CADM2: variants seen among roughly 807,000 people sequenced by gnomAD.
CADM2 encodes cell adhesion molecule 2.
Under a neutral mutation model 49.8 loss-of-function variants are expected in CADM2, and 12 were observed. The observed-to-expected ratio is 0.24, with a 90% CI of 0.15 to 0.39. The LOEUF is 0.39. Among genes scored for constraint, CADM2 ranks in the 10% least tolerant of loss-of-function variants. The pLI is 1.00. For missense variants in CADM2, 378 were observed against 492.3 expected, an observed-to-expected ratio of 0.77 and a Z score of 2.20; for synonymous variants, 214 against 175.4, an observed-to-expected ratio of 1.22 and a Z score of -1.74.
Position 86,069,447 on chromosome 3 carries a change from G to T in CADM2, c.*2664G>T, listed in dbSNP as rs1739647722. 1.3e-5 allele frequency: 2 copies of T among 151,902 alleles called. No individual in the cohort carries two copies. The highest frequency in any genetic ancestry group is 2.9e-5 in the Non-Finnish European group (2 of 67,866). The allele number at this position is 151,902 out of a possible 1,614,324, so 9.4% of individuals were successfully genotyped here. A position where few individuals can be genotyped will look rare whatever the true frequency, so the allele number is the denominator to read the frequency against. ...AAATGAGACACCATGTTCTGAACTG[G>T]AGAAAACAATATCAATGAAGTCATA... is the stretch of plus-strand genomic sequence containing the variant. On this transcript the variant is annotated 3_prime_UTR_variant, in exon 10 of 10. Coordinates refer to ENST00000383699, the MANE Select transcript of CADM2 (RefSeq NM_001167675.2).
chr3:85,272,354 C>A (rs1195233134), intron 1 of CADM2, among the ~76,000 whole-genome samples: 1 of 150,964 alleles, frequency 6.6e-6, no homozygotes, highest in Non-Finnish European at 1.5e-5. Flanking sequence ...ACCACATTTT[C>A]TTGATGAAAA....
chr3:85,345,660 A>C (rs1001016596), intron 1 of CADM2, among the ~76,000 whole-genome samples: 2 of 152,200 alleles, frequency 1.3e-5, no homozygotes, highest in Non-Finnish European at 2.9e-5. Context: ...GCTGTTTGGG[A>C]TTGAAGGATA....
Position 85,540,786 on chromosome 3 carries a change from GT to G in CADM2, c.62-185734del, listed in dbSNP as rs199787604. Among the ~76,000 whole-genome samples, 1,352 of 152,182 alleles carry G rather than the reference GT, an allele frequency of 8.9e-3. 19 individuals are homozygous for G. Among genetic ancestry groups the G allele is most frequent in the African/African-American group, 0.03 (1,227 of 41,524 alleles). ...AAACAACAGAATTTACTTTTCTATA[GT>G]TCTGGAGGCTGGAAGTACAAGATCA... On this transcript the variant is annotated intron_variant, in intron 1 of 9. Coordinates refer to ENST00000383699, the MANE Select transcript of CADM2 (RefSeq NM_001167675.2).
chr3:85,308,411 A>G (rs1028090479), intron 1 of CADM2, among the ~76,000 whole-genome samples: 2 of 151,714 alleles, frequency 1.3e-5, no homozygotes, highest in Admixed American at 1.3e-4. Context: ...CTTCAGCTCT[A>G]TTAAGTACTG....
chr3:85,214,506 G>A (rs1381611807), intron 1 of CADM2, among the ~76,000 whole-genome samples: 1 of 151,976 alleles, frequency 6.6e-6, no homozygotes, highest in East Asian at 1.9e-4. Flanking sequence ...AGCCAGTATT[G>A]TCTTTCCCTT....
chr3:85,013,894 A>G (rs1263552876), intron 1 of CADM2, among the ~76,000 whole-genome samples: 1 of 147,482 alleles, frequency 6.8e-6, no homozygotes, highest in Admixed American at 6.9e-5. Context: ...ATATTAATAT[A>G]TTATTGTACT....
intron 1 of CADM2, among the ~76,000 whole-genome samples, chr3:85,555,289 T>A (rs999478227): frequency 2.6e-5 from 4 of 152,310 alleles, no homozygotes; most frequent in African/African-American, 7.2e-5. Context: ...CAGTTTAAAA[T>A]AATCAATGTT....
chr3:85,221,248 A>G (rs1369374652), intron 1 of CADM2, among the ~76,000 whole-genome samples: 1 of 152,152 alleles, frequency 6.6e-6, no homozygotes, highest in Non-Finnish European at 1.5e-5. Flanking sequence ...GAATCACAGT[A>G]ATTTAATGTG....
intron 1 of CADM2, among the ~76,000 whole-genome samples, chr3:85,594,477 C>T (rs947980145): frequency 6.6e-6 from 1 of 150,838 alleles, no homozygotes; most frequent in Non-Finnish European, 1.5e-5. Context: ...TTTTGTTGTC[C>T]CTAAAGTAAC....
intron 2 of CADM2, among the ~76,000 whole-genome samples, chr3:85,750,620 A>G (rs953864528): frequency 6.6e-5 from 10 of 152,126 alleles, no homozygotes; most frequent in African/African-American, 2.2e-4. Flanking sequence ...TCCCTTTCTC[A>G]TGGTAAGAAC....
chr3:86,018,629 G>A (rs541317103), intron 8 of CADM2, among the ~76,000 whole-genome samples: 3 of 152,342 alleles, frequency 2.0e-5, no homozygotes, highest in East Asian at 1.9e-4. Context: ...GATGGCCAGT[G>A]ATGGTGAGCA....
At chr3:85,311,962 A>G (rs1457159316) in intron 1 of CADM2, among the ~76,000 whole-genome samples, 1 of 152,182 alleles carries the variant, frequency 6.6e-6, no homozygotes, top group South Asian at 2.1e-4. Context: ...GCAAGCGTCT[A>G]CTCAATCAGT....
At chr3:85,992,051 C>T (rs983663449) in intron 8 of CADM2, 13 of 151,740 alleles carry the variant, frequency 8.6e-5, no homozygotes, top group Non-Finnish European at 1.6e-4. Flanking sequence ...AAAAAGTTTT[C>T]GCTTCTTACT....
chr3:85,358,596 C>A (rs771564614), intron 1 of CADM2, among the ~76,000 whole-genome samples: 1 of 151,954 alleles, frequency 6.6e-6, no homozygotes, highest in Non-Finnish European at 1.5e-5. Flanking sequence ...TGCTATGATG[C>A]ATTAGACTGG....
intron 1 of CADM2, among the ~76,000 whole-genome samples, chr3:85,219,104 T>G (rs910723329): frequency 6.6e-6 from 1 of 152,168 alleles, no homozygotes; most frequent in Admixed American, 6.5e-5. Flanking sequence ...GGAGGTATTA[T>G]AGGTATGGTT....
At chr3:85,413,167 T>C (rs143867099) in intron 1 of CADM2, among the ~76,000 whole-genome samples, 1 of 85,300 alleles carries the variant, frequency 1.2e-5, no homozygotes, top group African/African-American at 4.6e-5. Flanking sequence ...AAAAAAATAA[T>C]AATAATAATA....
At chr3:85,591,842 T>C (rs780473343) in intron 1 of CADM2, among the ~76,000 whole-genome samples, 25 of 151,992 alleles carry the variant, frequency 1.6e-4, no homozygotes, top group Middle Eastern at 3.2e-3. Flanking sequence ...GAGAAAATAA[T>C]CTCTGTATTT....
At chr3:85,664,911 C>G (rs1303261554) in intron 1 of CADM2, among the ~76,000 whole-genome samples, 1 of 151,928 alleles carries the variant, frequency 6.6e-6, no homozygotes, top group Admixed American at 6.6e-5. Flanking sequence ...TTCATCACTA[C>G]TGATAATAAA....
intron 5 of CADM2, among the ~76,000 whole-genome samples, chr3:85,902,395 C>A (rs546463558): frequency 9.4e-4 from 142 of 151,112 alleles, no homozygotes; most frequent in African/African-American, 3.3e-3. Flanking sequence ...ATTTTCAGTC[C>A]ATTTGTATCT....
Sources: allele counts gnomAD v4.1 joint callset (sites outside exome capture counted in the v4.1 genomes callset), GRCh38; gene constraint gnomAD v4.1.1; transcripts MANE v1.5; gene names NCBI Gene and HGNC (gene_info 2026-07-23, HGNC 2026-07-21).